CNKSR2: variants seen among roughly 807,000 people sequenced by gnomAD.
The protein encoded by CNKSR2 is connector enhancer of kinase suppressor of Ras 2.
Under a neutral mutation model 84.4 loss-of-function variants are expected in CNKSR2, and 14 were observed. The ratio of observed to expected loss-of-function variants is 0.17; its 90% CI spans 0.11 to 0.26. CNKSR2 has a LOEUF of 0.26. CNKSR2 is among the 10% of genes least tolerant of loss of function. The pLI is 1.00. For synonymous variants in CNKSR2, 275 were observed against 277.9 expected (o/e 0.99, Z 0.10); for missense variants, 485 against 771.2 (o/e 0.63, Z 4.40).
At chrX:21,485,480 T>C (rs1444280318) in intron 5 of CNKSR2, among the ~76,000 whole-genome samples, 1 of 111,047 alleles carries the variant, frequency 9.0e-6, no homozygotes, top group African/African-American at 3.3e-5. Flanking sequence ...TGCGTGTATG[T>C]GCAGATAGAT....
intron 10 of CNKSR2, among the ~76,000 whole-genome samples, chrX:21,528,981 T>C (rs1201173655): frequency 9.0e-6 from 1 of 111,057 alleles, no homozygotes; most frequent in African/African-American, 3.3e-5. Flanking sequence ...GGCACTTTTT[T>C]CCTATTTTCT....
At chrX:21,532,490 G>A (rs776953643) in intron 11 of CNKSR2, among the ~76,000 whole-genome samples, 2 of 109,383 alleles carry the variant, frequency 1.8e-5, no homozygotes, top group South Asian at 3.9e-4. Context: ...TAATTTTCTC[G>A]AGAAATTCTC....
chrX:21,415,869 C>CAT (rs764694262), intron 1 of CNKSR2, among the ~76,000 whole-genome samples: 995 of 91,789 alleles, frequency 0.011, 16 homozygotes, highest in African/African-American at 0.044. Context: ...CACACACACA[C>CAT]ACATATATAT....
Position 21,547,541 on chromosome X carries a change from A to G in CNKSR2, c.1304-13930A>G, listed in dbSNP as rs778783871. On this transcript the variant is annotated intron_variant, in intron 11 of 21. Transcript: ENST00000379510. ...TCAATGAGACAGAAAATTAACAAGG[A>G]TATTTAGGACTTGAACTCAGCTCTG... is the stretch of plus-strand genomic sequence containing the variant. Among the ~76,000 whole-genome samples the G allele has an allele frequency of 2.7e-5, 3 of 111,505 alleles. No homozygotes were observed. The South Asian group carries it at 1.1e-3, about 43-fold the overall frequency.
chrX:21,513,849 T>G (rs1204298384), intron 8 of CNKSR2, among the ~76,000 whole-genome samples: 1 of 112,143 alleles, frequency 8.9e-6, no homozygotes, highest in Non-Finnish European at 1.9e-5. Context: ...CAAACAGTCC[T>G]GATTAGGTAA....
chrX:21,568,066 T>G (rs2092255292), intron 13 of CNKSR2, among the ~76,000 whole-genome samples: 1 of 111,396 alleles, frequency 9.0e-6, no homozygotes, highest in Admixed American at 9.5e-5. Context: ...GGCGGGTGGA[T>G]TGCCTCAGCT....
chrX:21,434,610 T>C (rs2090679285), intron 3 of CNKSR2, among the ~76,000 whole-genome samples: 1 of 111,673 alleles, frequency 9.0e-6, no homozygotes, highest in Non-Finnish European at 1.9e-5. Context: ...AGAATAAAAA[T>C]TTTGTCAGTT....
At chrX:21,599,733 A>AG (rs746087219) in intron 17 of CNKSR2, among the ~76,000 whole-genome samples, 24 of 111,707 alleles carry the variant, frequency 2.1e-4, no homozygotes, top group South Asian at 1.1e-3. Context: ...ATTTTTCTTT[A>AG]GTGGTATTAT....
chrX:21,428,986 G>T (rs1042166289), intron 2 of CNKSR2: 1 of 112,248 alleles, frequency 8.9e-6, no homozygotes, highest in Non-Finnish European at 1.9e-5. Flanking sequence ...AAATGGCATT[G>T]ACATTGTAAA....
At chrX:21,606,409 G>T in intron 18 of CNKSR2, 1 of 126,583 alleles carries the variant, frequency 7.9e-6, no homozygotes, top group Non-Finnish European at 1.6e-5. Context: ...AGGATAAAAT[G>T]ATATACCTTT....
intron 5 of CNKSR2, among the ~76,000 whole-genome samples, chrX:21,486,792 A>T (rs942050671): frequency 8.9e-6 from 1 of 111,790 alleles, no homozygotes; most frequent in African/African-American, 3.3e-5. Flanking sequence ...TAATAATATA[A>T]TGTCTCACAT....
chrX:21,482,232 T>C (rs1410452899), intron 5 of CNKSR2, among the ~76,000 whole-genome samples: 1 of 112,445 alleles, frequency 8.9e-6, no homozygotes, highest in African/African-American at 3.2e-5. Context: ...TAAGGTACTA[T>C]ATTGCCTCCT....
intron 5 of CNKSR2, among the ~76,000 whole-genome samples, chrX:21,487,782 A>T (rs1352336632): frequency 8.9e-6 from 1 of 112,581 alleles, no homozygotes; most frequent in Non-Finnish European, 1.9e-5. Flanking sequence ...ATGGCTGCTG[A>T]TGTATATTTT....
intron 5 of CNKSR2, among the ~76,000 whole-genome samples, chrX:21,483,917 T>G (rs909799170): frequency 8.9e-6 from 1 of 111,825 alleles, no homozygotes; most frequent in South Asian, 3.7e-4. Context: ...CCCAGTACAA[T>G]GCACATGTCA....
Position 21,409,831 on chromosome X carries a change from A to G in CNKSR2, c.65-16666A>G, listed in dbSNP as rs559592569. ...TGAAATTAGGGATTTATTCAAATAA[A>G]CATAATTAAAATTATTTTGGAATAG... is the stretch of plus-strand genomic sequence containing the variant. On this transcript the variant is annotated intron_variant, in intron 1 of 21. Coordinates refer to ENST00000379510, the MANE Select transcript of CNKSR2 (RefSeq NM_014927.5). 1.8e-4 allele frequency among the ~76,000 whole-genome samples: 20 copies of G among 111,673 alleles called. No homozygotes were observed. In the South Asian group the frequency reaches 6.3e-3, roughly 35 times the overall value.
chrX:21,433,578 A>G (rs1418709699), intron 3 of CNKSR2, among the ~76,000 whole-genome samples: 1 of 109,138 alleles, frequency 9.2e-6, no homozygotes, highest in Admixed American at 9.9e-5. Context: ...TTTGTCTTTC[A>G]TAAGAAACTC....
intron 4 of CNKSR2, among the ~76,000 whole-genome samples, chrX:21,449,295 C>T (rs1483213262): frequency 1.2e-5 from 1 of 82,461 alleles, no homozygotes; most frequent in Non-Finnish European, 2.2e-5. Context: ...CAGAGTGAGA[C>T]TCCGTCTCAA....
chrX:21,626,763 A>G (rs377000076), intron 20 of CNKSR2, among the ~76,000 whole-genome samples: 6 of 112,461 alleles, frequency 5.3e-5, no homozygotes, highest in African/African-American at 1.6e-4. Flanking sequence ...ATCAGTGTGC[A>G]TATACAGTTT....
chrX:21,560,989 T>C (rs1218051973), intron 11 of CNKSR2, among the ~76,000 whole-genome samples: 1 of 110,375 alleles, frequency 9.1e-6, no homozygotes, highest in Non-Finnish European at 1.9e-5. Flanking sequence ...TGATAGGAGA[T>C]GGGAAGCAGC....
Sources: gnomAD v4.1 joint callset for allele counts (sites outside exome capture counted in the v4.1 genomes callset) on GRCh38, gnomAD v4.1.1 for gene constraint, MANE v1.5 for transcripts, NCBI Gene and HGNC (gene_info 2026-07-23, HGNC 2026-07-21) for gene names.